Variants in PATE3 observed in about 807,000 individuals in gnomAD.
PATE3 encodes prostate and testis expressed protein 3.
In PATE3, 7 loss-of-function variants were observed where a neutral mutation model predicts 7.4. The observed-to-expected ratio is 0.95, with a 90% CI of 0.54 to 1.78. PATE3 has a LOEUF of 1.78. PATE3 is among the 40% of genes most tolerant of loss of function. PATE3 has a pLI of 0.00. For synonymous variants in PATE3, 38 were observed against 40.2 expected, an observed-to-expected ratio of 0.94 and a Z score of 0.21; for missense variants, 117 against 122.5, an observed-to-expected ratio of 0.96 and a Z score of 0.21.
At chr11:125,789,336 C>T (rs778749673) in intron 1 of PATE3, 50 bp from the exon 2 acceptor site, 2 of 1,515,780 alleles carry the variant, frequency 1.3e-6, no homozygotes, top group East Asian at 2.5e-5. Context: ...TAACTCCATC[C>T]CAAGTCCCTG....
chr11:125,788,182 C>T lies in PATE3; in HGVS notation c.31C>T (p.Leu11Phe). The T allele has an allele frequency of 6.4e-7, 1 of 1,551,432 alleles. No individual in the cohort carries two copies. Among genetic ancestry groups the T allele is most frequent in the Non-Finnish European group, 8.7e-7 (1 of 1,146,788 alleles). ...CAAACACTTCTTGTTCCTCTTCCTCCTTTACTGCCTCATTGTGGGTGAGTC... is the reference window on the plus strand; with the variant it reads ...CAAACACTTCTTGTTCCTCTTCCTCTTTTACTGCCTCATTGTGGGTGAGTC... MNKHFLFLFL[L>F]YCLIVAVTSL... Residue 11 changes from leucine (L) to phenylalanine (F), a missense_variant, in exon 1 of 3, where the codon CTT (leucine) becomes TTT (phenylalanine). Transcript: ENST00000445202.
At position 125,790,579 on chromosome 11, in the gene PATE3, A is replaced by C; in HGVS notation, c.274A>C (p.Asn92His). The change falls in exon 3 of 3, where the codon AAT (asparagine) becomes CAT (histidine). Residue 92 changes from asparagine to histidine, a missense_variant. Physicochemically the swap from Asn to His is moderately conservative, Grantham distance 68. Coordinates refer to ENST00000445202, the MANE Select transcript of PATE3 (RefSeq NM_001129883.4). The stretch of plus-strand genomic sequence containing the variant: ...TTATGTTCATACATGCTGCAACTAC[A>C]ATTACTGTAACTTTAAACTCTAAGA... Reference protein sequence around the residue: ...RTYVHTCCNYNYCNFKL With the variant: ...RTYVHTCCNYHYCNFKL 6.4e-7 allele frequency: 1 copy of C among 1,551,356 alleles called. No homozygotes were observed.
chr11:125,790,445 A>G, intron 2 of PATE3, 33 bp from the exon 3 acceptor site: 2 of 1,539,388 alleles, frequency 1.3e-6, no homozygotes, highest in South Asian at 1.2e-5. Flanking sequence ...CTTAAATCAA[A>G]TGCTTATTTT....
rs1055055393 is a variant in PATE3, at chr11:125,789,477, C to T, written c.141C>T (p.Gly47=). 2.2e-5 allele frequency: 34 copies of T among 1,551,408 alleles called. No individual in the cohort carries two copies. The highest frequency in any genetic ancestry group is 9.8e-5 in the East Asian group (4 of 40,934). The change falls in exon 2 of 3, where the codon GGC becomes GGT. Residue 47 remains glycine, a synonymous_variant. Coordinates refer to ENST00000445202, the MANE Select transcript of PATE3 (RefSeq NM_001129883.4). ...TTGGTGTCTGTACTGCTCAGAAGGG[C>T]GAGGCATGCATGCTCTTAAGGATTT... ...RGFGVCTAQK[G]EACMLLRIYQ... is the part of the protein sequence containing the mutation.
intron 2 of PATE3, 52 bp from the exon 3 acceptor site, chr11:125,790,426 C>G: frequency 6.6e-7 from 1 of 1,518,698 alleles, no homozygotes; most frequent in Non-Finnish European, 8.8e-7. Context: ...TTTGACTCAC[C>G]TTGGAGAGCT....
At chr11:125,788,366 A>G (rs1463764912) in intron 1 of PATE3, among the ~76,000 whole-genome samples, 166 bp downstream of exon 1, 1 of 151,936 alleles carries the variant, frequency 6.6e-6, no homozygotes, top group African/African-American at 2.4e-5. Context: ...CAACTCTTCC[A>G]TCCTTTTCAG....
Position 125,790,898 on chromosome 11 carries a change from C to T in PATE3, c.*296C>T, listed in dbSNP as rs1349829918. The T allele has an allele frequency of 3.1e-5, 7 of 226,486 alleles. No homozygotes were observed. The highest frequency in any genetic ancestry group is 5.7e-5 in the Admixed American group (1 of 17,496). 14.0% of individuals were successfully genotyped at this position (226,486 alleles called of 1,614,324 possible). ...TGTACAGTAAAATTTAAAGCAGGAA[C>T]ATTCTAGAATCTTAATTTGCTTAAC... is the stretch of plus-strand genomic sequence containing the variant. On this transcript the variant is annotated 3_prime_UTR_variant, in exon 3 of 3. Transcript: ENST00000445202.
chr11:125,789,727 T>G (rs1943593814), intron 2 of PATE3, among the ~76,000 whole-genome samples: 1 of 151,726 alleles, frequency 6.6e-6, no homozygotes, highest in South Asian at 2.1e-4. Context: ...ACCAAACAGA[T>G]TTTTTTTTGA....
intron 1 of PATE3, 134 bp from the exon 2 acceptor site, chr11:125,789,251 TA>T: frequency 2.3e-6 from 2 of 874,776 alleles, no homozygotes; most frequent in Non-Finnish European, 3.4e-6. Flanking sequence ...GTTTACCGCC[TA>T]AATACCCCAA....
At chr11:125,790,065 T>C (rs1943596114) in intron 2 of PATE3, among the ~76,000 whole-genome samples, 1 of 152,156 alleles carries the variant, frequency 6.6e-6, no homozygotes, top group Non-Finnish European at 1.5e-5. Flanking sequence ...ATGTTCTTAA[T>C]CATGTATAGG....
At chr11:125,789,905 T>C (rs927947434) in intron 2 of PATE3, among the ~76,000 whole-genome samples, 25 of 152,172 alleles carry the variant, frequency 1.6e-4, no homozygotes, top group Admixed American at 1.6e-3. Context: ...TATTTTGAAA[T>C]ATACAATAAA....
Position 125,788,144 on chromosome 11 carries a change from G to A in PATE3, c.-8G>A. The stretch of plus-strand genomic sequence containing the variant: ...TCTTTTTCCTGCACAAGGGATTTCC[G>A]GGTCAGGATGAACAAACACTTCTTG... On this transcript the variant is annotated 5_prime_UTR_variant, in exon 1 of 3. Coordinates refer to ENST00000445202, the MANE Select transcript of PATE3 (RefSeq NM_001129883.4). 2 of 1,551,138 alleles carry A rather than the reference G, an allele frequency of 1.3e-6. No homozygotes were observed. The highest frequency in any genetic ancestry group is 1.4e-5 in the African/African-American group (1 of 73,086).
intron 2 of PATE3, 48 bp from the exon 3 acceptor site, chr11:125,790,430 G>C: frequency 6.6e-7 from 1 of 1,523,682 alleles, no homozygotes. Context: ...ACTCACCTTG[G>C]AGAGCTTAAA....
intron 1 of PATE3, 78 bp from the exon 2 acceptor site, chr11:125,789,308 C>A (rs1943590354): frequency 4.2e-6 from 6 of 1,413,162 alleles, no homozygotes; most frequent in East Asian, 2.5e-5. Context: ...TCATTCCCCA[C>A]CTCCATCTGA....
chr11:125,790,181 T>C (rs550040071), intron 2 of PATE3, among the ~76,000 whole-genome samples: 1 of 152,290 alleles, frequency 6.6e-6, no homozygotes, highest in African/African-American at 2.4e-5. Context: ...GGTTAATGAC[T>C]AAACAGATTT....
chr11:125,789,656 A>T lies in PATE3; in HGVS notation c.172+148A>T, dbSNP rs1399803059. On this transcript the variant is annotated intron_variant, in intron 2 of 2. Coordinates refer to ENST00000445202, the MANE Select transcript of PATE3 (RefSeq NM_001129883.4). ...AGGTCCCTGTGCATACAGACAGAAG[A>T]TAATTTGGGTCAATGAGACAGGAGG... is the stretch of plus-strand genomic sequence containing the variant. 4 of 842,646 alleles carry T rather than the reference A, an allele frequency of 4.7e-6. No homozygotes were observed. In the African/African-American group the frequency reaches 6.8e-5, roughly 14 times the overall value. 52.2% of individuals were successfully genotyped at this position (842,646 alleles called of 1,614,324 possible). A position where few individuals can be genotyped will look rare whatever the true frequency, so the allele number is the denominator to read the frequency against.
chr11:125,791,415 G>A lies in PATE3; in HGVS notation c.*813G>A, dbSNP rs1565424826. The A allele has an allele frequency of 6.6e-6, 1 of 152,118 alleles. No individual in the cohort carries two copies. Among genetic ancestry groups the A allele is most frequent in the Non-Finnish European group, 1.5e-5 (1 of 68,060 alleles). The allele number at this position is 152,118 out of a possible 1,614,324, so 9.4% of individuals were successfully genotyped here. A position where few individuals can be genotyped will look rare whatever the true frequency, so the allele number is the denominator to read the frequency against. On this transcript the variant is annotated 3_prime_UTR_variant, in exon 3 of 3. Transcript: ENST00000445202. ...GGTCCTTCGAAGCTTTGCCCCATGC[G>A]TCAGATGGCACCTGAGGCATATAAC...
At chr11:125,789,266 G>A (rs1159036517) in intron 1 of PATE3, 120 bp from the exon 2 acceptor site, 28 of 1,018,906 alleles carry the variant, frequency 2.7e-5, no homozygotes, top group Non-Finnish European at 3.6e-5. Context: ...ACCCCAACCA[G>A]TAGCTCTTCA....
intron 2 of PATE3, among the ~76,000 whole-genome samples, chr11:125,789,915 A>G (rs1448548206): frequency 6.6e-6 from 1 of 152,248 alleles, no homozygotes; most frequent in Non-Finnish European, 1.5e-5. Flanking sequence ...TATACAATAA[A>G]GAAAATATGG....
Sources: allele counts gnomAD v4.1 joint callset (sites outside exome capture counted in the v4.1 genomes callset), GRCh38; gene constraint gnomAD v4.1.1; transcripts MANE v1.5; gene names NCBI Gene and HGNC (gene_info 2026-07-23, HGNC 2026-07-21).